The following PITHD1 variants were observed in gnomAD, a reference collection of about 807,000 sequenced individuals.
PITHD1 encodes the protein PITH domain-containing protein 1.
A neutral mutation model predicts 27.5 loss-of-function variants in PITHD1; 8 were observed. The ratio of observed to expected loss-of-function variants is 0.29; its 90% CI spans 0.17 to 0.52. The LOEUF (loss-of-function observed/expected upper bound fraction) is 0.52. PITHD1 is among the 20% of genes least tolerant of loss of function. The probability of loss-of-function intolerance (pLI) is 0.96; values close to 1 mark genes in which losing one functional copy is unlikely to be tolerated. For missense variants in PITHD1, 233 were observed against 283.9 expected (o/e 0.82, Z 1.29); for synonymous variants, 118 against 106.8 (o/e 1.10, Z -0.64).
Position 23,785,763 on chromosome 1 carries a change from TTA to T in PITHD1, c.410_411del (p.Leu137Ter). On this transcript the variant is annotated frameshift_variant, in exon 4 of 6. Coordinates refer to ENST00000246151, the MANE Select transcript of PITHD1 (RefSeq NM_020362.5). LOFTEE classifies it high-confidence loss of function. ...FSLNRDLTGE[L>X]EYATKISRFS... ...TCTGAACCGGGATCTTACAGGAGAA[TTA>T]GAGTATGCTACAAAGTAAGCACTGG... 6.3e-7 allele frequency: 1 copy of T among 1,595,018 alleles called. No homozygotes were observed. The highest frequency in any genetic ancestry group is 1.3e-5 in the African/African-American group (1 of 74,632).
At chr1:23,778,748 G>A in intron 1 of PITHD1, 35 bp downstream of exon 1, 1 of 1,171,188 alleles carries the variant, frequency 8.5e-7, no homozygotes, top group Non-Finnish European at 1.1e-6. Flanking sequence ...GGCGGGGCAG[G>A]GTGCGTGTGG....
chr1:23,786,373 G>A lies in PITHD1; in HGVS notation c.484G>A (p.Ala162Thr), dbSNP rs773679668. The change falls in exon 5 of 6, where the codon GCA becomes ACA. Residue 162 changes from alanine (A) to threonine (T), a missense_variant. Coordinates refer to ENST00000246151, the MANE Select transcript of PITHD1 (RefSeq NM_020362.5). The stretch of plus-strand genomic sequence containing the variant: ...AATTCATATTTCAAAAAACTTCGGA[G>A]CAGATACGACAAAGGTCTTTTATAT... ...LSIHISKNFG[A>T]DTTKVFYIGL... 15 of 1,608,252 alleles carry A rather than the reference G, an allele frequency of 9.3e-6. No homozygotes were observed. Among genetic ancestry groups the A allele is most frequent in the Non-Finnish European group, 1.3e-5 (15 of 1,175,306 alleles).
intron 3 of PITHD1, 119 bp from the exon 4 acceptor site, chr1:23,785,556 C>A (rs1310096780): frequency 5.3e-6 from 3 of 561,460 alleles, no homozygotes; most frequent in South Asian, 2.3e-5. Flanking sequence ...AAAATATGAC[C>A]CCCAAATTCA....
intron 3 of PITHD1, 75 bp downstream of exon 3, chr1:23,780,016 TATC>T (rs757931044): frequency 1.8e-5 from 15 of 847,294 alleles, no homozygotes; most frequent in Admixed American, 4.6e-5. Flanking sequence ...TCCAGAATAG[TATC>T]ATTTTCTTCT....
intron 5 of PITHD1, 26 bp from the exon 6 acceptor site, chr1:23,787,249 C>A: frequency 6.5e-7 from 1 of 1,549,516 alleles, no homozygotes; most frequent in Non-Finnish European, 8.9e-7. Context: ...TAATGGCTGG[C>A]TGACCCAGCC....
Position 23,785,763 on chromosome 1 carries a change from T to C in PITHD1, c.409T>C (p.Leu137=). The change falls in exon 4 of 6, where the codon TTA becomes CTA. Residue 137 remains leucine (L), a synonymous_variant. Coordinates refer to ENST00000246151, the MANE Select transcript of PITHD1 (RefSeq NM_020362.5). ...FSLNRDLTGE[L]EYATKISRFS... ...TCTGAACCGGGATCTTACAGGAGAA[T>C]TAGAGTATGCTACAAAGTAAGCACT... The C allele has an allele frequency of 6.3e-7, 1 of 1,595,018 alleles. No homozygotes were observed. Among genetic ancestry groups the C allele is most frequent in the Non-Finnish European group, 8.6e-7 (1 of 1,162,688 alleles).
intron 3 of PITHD1, chr1:23,785,424 T>A: frequency 4.1e-6 from 1 of 243,208 alleles, no homozygotes; most frequent in South Asian, 4.9e-5. Context: ...ACCTGGGAGG[T>A]GGAGGTTGCA....
At chr1:23,783,708 G>A (rs920863500) in intron 3 of PITHD1, among the ~76,000 whole-genome samples, 2 of 152,094 alleles carry the variant, frequency 1.3e-5, no homozygotes, top group African/African-American at 2.4e-5. Flanking sequence ...GCCTGCCTCC[G>A]CCTCCCAAAG....
chr1:23,780,199 G>T (rs1638576220), intron 3 of PITHD1, among the ~76,000 whole-genome samples: 1 of 152,198 alleles, frequency 6.6e-6, no homozygotes, highest in Non-Finnish European at 1.5e-5. Context: ...CATTCAGAGA[G>T]CATTGTGTAA....
chr1:23,785,810 T>C, intron 4 of PITHD1, 31 bp downstream of exon 4: 1 of 1,227,636 alleles, frequency 8.1e-7, no homozygotes, highest in Non-Finnish European at 1.2e-6. Context: ...CCATTCTCTA[T>C]GGCTTCTTAT....
rs1638623072 is a variant in PITHD1 at position 23,782,887 on chromosome 1, G to C, written c.321-2788G>C. Among the ~76,000 whole-genome samples, 3 of 151,892 alleles carry C rather than the reference G, an allele frequency of 2.0e-5. No homozygotes were observed. The South Asian group carries it at 6.2e-4, about 31-fold the overall frequency. On this transcript the variant is annotated intron_variant, in intron 3 of 5. Transcript: ENST00000246151. The stretch of plus-strand genomic sequence containing the variant: ...CAGTGTGCTGAGATTACAGGAGCTA[G>C]CCACTGCACCCAGCCAAAAAAAAAT...
intron 3 of PITHD1, 109 bp downstream of exon 3, chr1:23,780,050 C>G: frequency 1.4e-6 from 1 of 727,814 alleles, no homozygotes; most frequent in Non-Finnish European, 2.4e-6. Context: ...AATATTTCCC[C>G]TTTTAAAATA....
At chr1:23,783,439 GTGT>G (rs1182969150) in intron 3 of PITHD1, among the ~76,000 whole-genome samples, 16 of 143,848 alleles carry the variant, frequency 1.1e-4, no homozygotes, top group Non-Finnish European at 1.2e-4. Context: ...ACGTGTGTGT[GTGT>G]GTGTGTGTGT....
intron 3 of PITHD1, among the ~76,000 whole-genome samples, chr1:23,784,683 G>A (rs1638658174): frequency 6.6e-6 from 1 of 152,086 alleles, no homozygotes; most frequent in African/African-American, 2.4e-5. Flanking sequence ...CTGCTTTTTA[G>A]ATTACTCTTT....
At chr1:23,783,083 G>A (rs1042857434) in intron 3 of PITHD1, among the ~76,000 whole-genome samples, 6 of 151,778 alleles carry the variant, frequency 4.0e-5, no homozygotes, top group Non-Finnish European at 5.9e-5. Context: ...TGCAAGCTCC[G>A]CCTCCTGGGT....
At position 23,778,728 on chromosome 1, in the gene PITHD1, G is replaced by A; in HGVS notation, c.198+15G>A. ...ACCGCTCCAAGGTGGGCCGCCTGGG[G>A]CTTGGGGCGGGCGGGGCAGGGTGCG... On this transcript the variant is annotated intron_variant, in intron 1 of 5. Coordinates refer to ENST00000246151, the MANE Select transcript of PITHD1 (RefSeq NM_020362.5). The A allele has an allele frequency of 7.9e-7, 1 of 1,267,856 alleles. No homozygotes were observed. Among genetic ancestry groups the A allele is most frequent in the Non-Finnish European group, 9.9e-7 (1 of 1,005,280 alleles). 78.5% of individuals were successfully genotyped at this position (1,267,856 alleles called of 1,614,324 possible). A position where few individuals can be genotyped will look rare whatever the true frequency, so the allele number is the denominator to read the frequency against.
rs1570608045 is a variant in PITHD1, at chr1:23,778,537, G to A, written c.22G>A (p.Gly8Ser). The A allele has an allele frequency of 1.5e-6, 2 of 1,341,334 alleles. No homozygotes were observed. The highest frequency in any genetic ancestry group is 1.9e-6 in the Non-Finnish European group (2 of 1,051,446). 83.1% of individuals were successfully genotyped at this position (1,341,334 alleles called of 1,614,324 possible). Residue 8 changes from glycine (G) to serine (S), a missense_variant, in exon 1 of 6, where the codon GGC (glycine) becomes AGC (serine). By Grantham distance (56) the Gly-to-Ser change is moderately conservative. Transcript: ENST00000246151. The part of the protein sequence containing the change: MSHGHSH[G>S]GGGCRCAAER... ...TGCCATGTCGCACGGTCACAGCCAC[G>A]GCGGGGGTGGCTGCCGCTGCGCCGC...
At chr1:23,779,221 A>G (rs1244662548) in intron 1 of PITHD1, 4 of 523,552 alleles carry the variant, frequency 7.6e-6, no homozygotes, top group African/African-American at 2.0e-5. Context: ...AAATTCATTC[A>G]TGGGCTTTTT....
At chr1:23,782,232 A>C (rs2148400178) in intron 3 of PITHD1, among the ~76,000 whole-genome samples, 1 of 152,070 alleles carries the variant, frequency 6.6e-6, no homozygotes, top group South Asian at 2.1e-4. Context: ...CAGCCTGGCC[A>C]ACATGGTGAA....
Sources: gnomAD v4.1 joint callset for allele counts (sites outside exome capture counted in the v4.1 genomes callset) on GRCh38, gnomAD v4.1.1 for gene constraint, MANE v1.5 for transcripts, NCBI Gene and HGNC (gene_info 2026-07-23, HGNC 2026-07-21) for gene names.